The following ERG variants were observed in gnomAD, a reference collection of about 807,000 sequenced individuals.
The protein encoded by ERG is transcriptional regulator ERG.
Under a neutral mutation model 55.3 loss-of-function variants are expected in ERG, and 9 were observed. The observed-to-expected ratio is 0.16, with a 90% CI of 0.10 to 0.28. ERG has a LOEUF of 0.28. ERG is among the 10% of genes least tolerant of loss of function. The probability of loss-of-function intolerance (pLI) is 1.00; values close to 1 mark genes in which losing one functional copy is unlikely to be tolerated. For missense variants in ERG, 434 were observed against 631.6 expected, an observed-to-expected ratio of 0.69 and a Z score of 3.35; for synonymous variants, 223 against 237.3, an observed-to-expected ratio of 0.94 and a Z score of 0.55.
downstream of ERG, among the ~76,000 whole-genome samples, chr21:38,377,758 T>TG (rs1390906098): frequency 6.6e-6 from 1 of 152,010 alleles, no homozygotes; most frequent in Non-Finnish European, 1.5e-5. Context: ...CACGACGACT[T>TG]GGAGGTGGAA....
At chr21:38,602,248 T>A (rs935651551) in intron 1 of ERG, among the ~76,000 whole-genome samples, 7 of 151,972 alleles carry the variant, frequency 4.6e-5, no homozygotes, top group Non-Finnish European at 8.8e-5. Context: ...ATCAAGATCA[T>A]CCTGGCTAAC....
the ERG span, chr21:38,367,763 C>T: frequency 7.1e-6 from 3 of 422,420 alleles, no homozygotes; most frequent in African/African-American, 4.1e-5. Flanking sequence ...AATAACTAAC[C>T]AACAGAGGGC....
chr21:38,641,469 G>T (rs1188271465), intron 1 of ERG, among the ~76,000 whole-genome samples: 1 of 152,176 alleles, frequency 6.6e-6, no homozygotes, highest in Non-Finnish European at 1.5e-5. Flanking sequence ...CAGCCTGAAT[G>T]AACCAAGACA....
In ERG at chr21:38,426,155, T is replaced by G. The variant is rs113413658; in HGVS notation, c.237-2594A>C. Among the ~76,000 whole-genome samples, 155 of 152,320 alleles carry G rather than the reference T, an allele frequency of 1.0e-3. 1 individual carries two copies. Among genetic ancestry groups the G allele is most frequent in the Middle Eastern group, 3.4e-3 (1 of 294 alleles). On this transcript the variant is annotated intron_variant, in intron 2 of 9. Transcript: ENST00000288319. Reference sequence around the variant, plus strand: ...AGCTGTGCTAACATGAAGGAAATTTTAAAATAATAATGGTCTGAGTTCCCA... The same window carrying G: ...AGCTGTGCTAACATGAAGGAAATTTGAAAATAATAATGGTCTGAGTTCCCA...
chr21:38,376,777 C>T (rs1284096775), downstream of ERG, among the ~76,000 whole-genome samples: 1 of 152,246 alleles, frequency 6.6e-6, no homozygotes, highest in Admixed American at 6.5e-5. Context: ...CAGGTTATGG[C>T]CCAGCAGCTG....
intron 1 of ERG, among the ~76,000 whole-genome samples, chr21:38,581,887 CAA>C (rs2060031026): frequency 6.6e-6 from 1 of 151,956 alleles, no homozygotes; most frequent in Admixed American, 6.6e-5. Context: ...ACTGAAAATA[CAA>C]AAGATTAGCC....
chr21:38,371,772 T>A, the ERG span, among the ~76,000 whole-genome samples: 1 of 152,094 alleles, frequency 6.6e-6, no homozygotes, highest in Admixed American at 6.5e-5. Flanking sequence ...GAATATTTGG[T>A]TAAAATTTTT....
intron 1 of ERG, among the ~76,000 whole-genome samples, chr21:38,477,825 C>T (rs1214310009): frequency 6.6e-6 from 1 of 152,122 alleles, no homozygotes; most frequent in Non-Finnish European, 1.5e-5. Context: ...GGGAACCAAA[C>T]CTCTATGTTA....
chr21:38,558,536 A>G (rs889329949), intron 2 of ERG, among the ~76,000 whole-genome samples: 5 of 152,240 alleles, frequency 3.3e-5, no homozygotes, highest in African/African-American at 1.2e-4. Flanking sequence ...AACAAGAAAT[A>G]GTTTTCCATC....
intron 1 of ERG, among the ~76,000 whole-genome samples, chr21:38,625,698 A>G (rs977394594): frequency 6.6e-6 from 1 of 152,070 alleles, no homozygotes; most frequent in Non-Finnish European, 1.5e-5. Flanking sequence ...TGATCTCAAG[A>G]TCTCAACCTA....
intron 3 of ERG, among the ~76,000 whole-genome samples, chr21:38,410,824 C>T (rs180778068): frequency 6.6e-6 from 1 of 152,232 alleles, no homozygotes; most frequent in East Asian, 1.9e-4. Context: ...AAAAGCCAAA[C>T]TGGTGATAAT....
intron 1 of ERG, among the ~76,000 whole-genome samples, chr21:38,483,567 G>A (rs903699522): frequency 5.9e-5 from 9 of 152,112 alleles, no homozygotes; most frequent in African/African-American, 1.4e-4. Flanking sequence ...AGCAATTCTC[G>A]GCCAGGCATG....
intron 2 of ERG, among the ~76,000 whole-genome samples, chr21:38,424,156 C>A: frequency 6.8e-6 from 1 of 146,438 alleles, no homozygotes; most frequent in East Asian, 2.1e-4. Context: ...GATTAGTGCC[C>A]TTATTAGAAA....
chr21:38,470,341 G>C (rs2059128527), intron 1 of ERG, among the ~76,000 whole-genome samples: 1 of 151,990 alleles, frequency 6.6e-6, no homozygotes, highest in Non-Finnish European at 1.5e-5. Flanking sequence ...AACTCATTTG[G>C]GGGAAGGTGA....
chr21:38,413,717 T>G (rs1989158230), intron 3 of ERG, among the ~76,000 whole-genome samples: 1 of 124,938 alleles, frequency 8.0e-6, no homozygotes, highest in South Asian at 3.1e-4. Flanking sequence ...TTGTTCTTTG[T>G]TTTCTTTTGT....
At chr21:38,398,881 C>T (rs1297614520) in intron 6 of ERG, among the ~76,000 whole-genome samples, 1 of 151,964 alleles carries the variant, frequency 6.6e-6, no homozygotes, top group East Asian at 1.9e-4. Context: ...GTCAGAGGCA[C>T]CTATGAGATG....
chr21:38,447,913 C>G (rs147050476), intron 1 of ERG, among the ~76,000 whole-genome samples: 49 of 152,088 alleles, frequency 3.2e-4, no homozygotes, highest in African/African-American at 1.2e-3. Flanking sequence ...TTGGCGAAAA[C>G]AGGTTATATA....
chr21:38,627,225 AAAAC>A (rs2060330280), intron 1 of ERG, among the ~76,000 whole-genome samples: 1 of 152,210 alleles, frequency 6.6e-6, no homozygotes, highest in African/African-American at 2.4e-5. Context: ...ACTAAAACCA[AAAAC>A]AAACAAAATG....
chr21:38,470,809 A>T (rs1235417200), intron 1 of ERG: 3 of 152,210 alleles, frequency 2.0e-5, no homozygotes, highest in African/African-American at 7.2e-5. Context: ...TGTCATACAG[A>T]AGTAGAAGAT....
Sources: gnomAD v4.1 joint callset for allele counts (sites outside exome capture counted in the v4.1 genomes callset) on GRCh38, gnomAD v4.1.1 for gene constraint, MANE v1.5 for transcripts, NCBI Gene and HGNC (gene_info 2026-07-23, HGNC 2026-07-21) for gene names.